The following ARHGAP23 variants were observed in gnomAD, a reference collection of about 807,000 sequenced individuals.
The protein encoded by ARHGAP23 is rho GTPase-activating protein 23.
Under a neutral mutation model 136.3 loss-of-function variants are expected in ARHGAP23, and 34 were observed. The observed-to-expected ratio is 0.25, with a 90% confidence interval of 0.19 to 0.33. ARHGAP23 has a LOEUF of 0.33. Ranked by LOEUF, ARHGAP23 falls within the 10% of genes least tolerant of loss-of-function variation. The pLI is 1.00. For missense variants in ARHGAP23, 1,808 were observed against 2,139.0 expected (o/e 0.85, Z 3.05); for synonymous variants, 832 against 920.5 (o/e 0.90, Z 1.74).
rs561157161 is a variant in ARHGAP23 at position 38,479,952 on chromosome 17, T to A, written c.2629+69T>A. ...GGGCATGGGGAGGGGAGGGCACGCG[T>A]GTGTGTGTTGGGCTGTGTCTGCTCA... On this transcript the variant is annotated intron_variant, in intron 14 of 23. Coordinates refer to ENST00000622683, the MANE Select transcript of ARHGAP23 (RefSeq NM_001199417.2). 3 of 1,521,224 alleles carry A rather than the reference T, an allele frequency of 2.0e-6. No homozygotes were observed. The East Asian group carries it at 7.4e-5, about 38-fold the overall frequency. 94.2% of individuals were successfully genotyped at this position (1,521,224 alleles called of 1,614,324 possible).
Position 38,466,293 on chromosome 17 carries a change from A to C in ARHGAP23, c.610A>C (p.Arg204=). The C allele has an allele frequency of 6.5e-7, 1 of 1,546,692 alleles. No homozygotes were observed. Among genetic ancestry groups the C allele is most frequent in the Non-Finnish European group, 8.7e-7 (1 of 1,146,422 alleles). Residue 204 remains arginine, a synonymous_variant, in exon 7 of 24, where the codon AGG becomes CGG. Coordinates refer to ENST00000622683, the MANE Select transcript of ARHGAP23 (RefSeq NM_001199417.2). The part of the protein sequence containing the change: ...TYAPPARAST[R]ATMVPEPTSA... ...CGCCCCTCCTGCCCGGGCCTCCACC[A>C]GGGCCACTATGGTGCCTGAGCCCAC...
At chr17:38,499,472 C>T (rs952796033) in intron 22 of ARHGAP23, among the ~76,000 whole-genome samples, 4 of 152,190 alleles carry the variant, frequency 2.6e-5, no homozygotes, top group South Asian at 2.1e-4. Flanking sequence ...AGATGAGGGC[C>T]ACTCCCTTTG....
intron 23 of ARHGAP23, among the ~76,000 whole-genome samples, chr17:38,504,343 C>T (rs1261650054): frequency 6.6e-6 from 1 of 152,212 alleles, no homozygotes; most frequent in Non-Finnish European, 1.5e-5. Flanking sequence ...GTCTCATCTA[C>T]TGGGGAGACC....
chr17:38,476,188 C>G (rs1283236688), intron 11 of ARHGAP23, among the ~76,000 whole-genome samples: 4 of 152,146 alleles, frequency 2.6e-5, no homozygotes, highest in Non-Finnish European at 5.9e-5. Context: ...TTCATTCTAA[C>G]ATGATCGCTG....
Position 38,428,521 on chromosome 17 carries a change from GC to G in ARHGAP23, c.40del (p.Arg14AlafsTer61), listed in dbSNP as rs1391679229. The G allele has an allele frequency of 6.9e-7, 1 of 1,454,218 alleles. No individual in the cohort carries two copies. Among genetic ancestry groups the G allele is most frequent in the South Asian group, 1.3e-5 (1 of 75,220 alleles). 90.1% of individuals were successfully genotyped at this position (1,454,218 alleles called of 1,614,324 possible). On this transcript the variant is annotated frameshift_variant, in exon 1 of 24. Coordinates refer to ENST00000622683, the MANE Select transcript of ARHGAP23 (RefSeq NM_001199417.2). LOFTEE classifies it high-confidence loss of function. Reference sequence around the variant, plus strand: ...TCGCCTTCTGCCTGGTCGGGATCCCGCCCCGCCCGGAGCCCCGGCCCCCACA... The same window carrying G: ...TCGCCTTCTGCCTGGTCGGGATCCCGCCCGCCCGGAGCCCCGGCCCCCACA... ...GVAFCLVGIP[P>X]RPEPRPPQLP...
At chr17:38,448,106 G>A (rs1490505261) in intron 1 of ARHGAP23, among the ~76,000 whole-genome samples, 1 of 152,152 alleles carries the variant, frequency 6.6e-6, no homozygotes, top group Admixed American at 6.5e-5. Context: ...GGGCCCATAA[G>A]GTAGTGCTCT....
Position 38,510,012 on chromosome 17 carries a change from C to T in ARHGAP23, c.3516C>T (p.Val1172=). 8.0e-7 allele frequency: 1 copy of T among 1,250,028 alleles called. No individual in the cohort carries two copies. The highest frequency in any genetic ancestry group is 3.8e-5 in the South Asian group (1 of 26,360). 77.4% of individuals were successfully genotyped at this position (1,250,028 alleles called of 1,614,324 possible). A position where few individuals can be genotyped will look rare whatever the true frequency, so the allele number is the denominator to read the frequency against. ...EMLAISFISA[V]NRKRKKRREA... ...TGGCGATCTCCTTCATCTCGGCCGT[C>T]AACCGCAAGCGCAAGAAGCGGCGGG... The change falls in exon 24 of 24, where the codon GTC becomes GTT. Residue 1172 remains valine, a synonymous_variant. Transcript: ENST00000622683. The surrounding 1 kb of genome is among the most constrained non-coding windows in gnomAD (Gnocchi z 4.6).
At chr17:38,475,258 TCAGCCCCA>T (rs1420810500) in intron 11 of ARHGAP23, among the ~76,000 whole-genome samples, 1 of 152,200 alleles carries the variant, frequency 6.6e-6, no homozygotes, top group Non-Finnish European at 1.5e-5. Flanking sequence ...CCCCGCAGCC[TCAGCCCCA>T]GCATGGGAGC....
At chr17:38,496,400 G>A (rs555745446) in intron 20 of ARHGAP23, among the ~76,000 whole-genome samples, 7 of 152,032 alleles carry the variant, frequency 4.6e-5, no homozygotes, top group Admixed American at 6.6e-5. Context: ...CTTGAGCCCA[G>A]GAGTTCAAGG....
intron 17 of ARHGAP23, among the ~76,000 whole-genome samples, chr17:38,489,581 C>T (rs9906641): frequency 1.1e-3 from 163 of 152,302 alleles, no homozygotes; most frequent in African/African-American, 3.6e-3. Flanking sequence ...GGCAGATCCT[C>T]CCGCGTTACT....
At position 38,498,431 on chromosome 17, in the gene ARHGAP23, G is replaced by A. The variant is rs1342413629; in HGVS notation, c.3336G>A (p.Lys1112=). Residue 1112 remains lysine, a synonymous_variant, in exon 22 of 24, where the codon AAG becomes AAA. Transcript: ENST00000622683. ...GTTCGCAGACCCCTGTGGGCGACAAGGAGCCTCAGGCAGTGCCCAACATTG... is the reference window on the plus strand; with the variant it reads ...GTTCGCAGACCCCTGTGGGCGACAAAGAGCCTCAGGCAGTGCCCAACATTG... ...DKGERTPVGD[K]EPQAVPNIEY... 2.6e-6 allele frequency: 4 copies of A among 1,548,156 alleles called. No individual in the cohort carries two copies. Among genetic ancestry groups the A allele is most frequent in the East Asian group, 4.9e-5 (2 of 40,804 alleles).
intron 1 of ARHGAP23, among the ~76,000 whole-genome samples, chr17:38,453,458 T>C (rs141322372): frequency 0.27 from 33,050 of 123,936 alleles, 4,454 homozygotes; most frequent in South Asian, 0.38. Context: ...TGTGTGTGTG[T>C]GTGCGCGCGC....
At chr17:38,460,500 G>A (rs1476914797) in intron 2 of ARHGAP23, among the ~76,000 whole-genome samples, 2 of 152,168 alleles carry the variant, frequency 1.3e-5, no homozygotes. Context: ...TCCCCAGGAG[G>A]ACTCTAATCA....
chr17:38,434,194 T>G (rs2038743034), intron 1 of ARHGAP23, among the ~76,000 whole-genome samples: 1 of 152,026 alleles, frequency 6.6e-6, no homozygotes, highest in Non-Finnish European at 1.5e-5. Context: ...AAACTAGTAA[T>G]TCCCTGTCCC....
At chr17:38,448,366 C>T (rs12450017) in intron 1 of ARHGAP23, among the ~76,000 whole-genome samples, 42,435 of 151,998 alleles carry the variant, frequency 0.28, 6,233 homozygotes, top group East Asian at 0.42. Flanking sequence ...AAAAAGCCGT[C>T]GAAACAGCCT....
chr17:38,474,211 G>A (rs56319003), intron 11 of ARHGAP23, among the ~76,000 whole-genome samples: 38,406 of 152,182 alleles, frequency 0.25, 5,302 homozygotes, highest in Non-Finnish European at 0.32. Flanking sequence ...GTGAGCCACC[G>A]TGCCCAGCTC....
At chr17:38,441,774 T>TATTATAGTCCTGC (rs1331684819) in intron 1 of ARHGAP23, among the ~76,000 whole-genome samples, 1 of 151,974 alleles carries the variant, frequency 6.6e-6, no homozygotes, top group Non-Finnish European at 1.5e-5. Flanking sequence ...GCAGGCACTG[T>TATTATAGTCCTGC]ATTATAGTCC....
At chr17:38,427,360 G>A (rs1221918000), upstream of ARHGAP23, among the ~76,000 whole-genome samples, 1 of 152,138 alleles carries the variant, frequency 6.6e-6, no homozygotes. Flanking sequence ...GCTACCTGGG[G>A]AGGCTGAGGT....
intron 1 of ARHGAP23, among the ~76,000 whole-genome samples, chr17:38,431,880 G>GC (rs2038693676): frequency 6.6e-6 from 1 of 152,148 alleles, no homozygotes; most frequent in Non-Finnish European, 1.5e-5. Context: ...GTCCTTCGTG[G>GC]CCCCCCTCAG....
Sources: gnomAD v4.1 joint callset for allele counts (sites outside exome capture counted in the v4.1 genomes callset) on GRCh38, gnomAD v4.1.1 for gene constraint, Gnocchi (gnomAD v3.1) non-coding constraint, MANE v1.5 for transcripts, NCBI Gene and HGNC (gene_info 2026-07-23, HGNC 2026-07-21) for gene names.